GRIA2: variants seen among roughly 807,000 people sequenced by gnomAD.
GRIA2 encodes the protein glutamate ionotropic receptor AMPA type subunit 2, also known as glutamate receptor 2.
In GRIA2, 14 loss-of-function variants were observed where a neutral mutation model predicts 97.3. That is an observed-to-expected ratio of 0.14 (90% confidence interval 0.10 to 0.23). The LOEUF (loss-of-function observed/expected upper bound fraction) is 0.23, where lower values mean the gene tolerates loss of function less well. Ranked by LOEUF, GRIA2 falls within the 10% of genes least tolerant of loss-of-function variation. GRIA2 has a pLI of 1.00. For synonymous variants in GRIA2, 412 were observed against 387.8 expected, an observed-to-expected ratio of 1.06 and a Z score of -0.73; for missense variants, 558 against 1,069.8, an observed-to-expected ratio of 0.52 and a Z score of 6.67.
intron 12 of GRIA2, among the ~76,000 whole-genome samples, chr4:157,357,774 A>C (rs1336738757): frequency 1.3e-5 from 2 of 152,142 alleles, no homozygotes; most frequent in Non-Finnish European, 2.9e-5. Context: ...AGACGAAAGT[A>C]GCTAGGTCCA....
At chr4:157,235,026 C>T (rs1730182399) in intron 2 of GRIA2, among the ~76,000 whole-genome samples, 1 of 152,032 alleles carries the variant, frequency 6.6e-6, no homozygotes, top group Non-Finnish European at 1.5e-5. Context: ...ATTGCAGTAA[C>T]AGCAGCCATA....
chr4:157,344,812 G>A (rs1202618129), intron 12 of GRIA2, among the ~76,000 whole-genome samples: 1 of 151,944 alleles, frequency 6.6e-6, no homozygotes, highest in Non-Finnish European at 1.5e-5. Context: ...TGAGAAGTTA[G>A]GTCATTGTCT....
At chr4:157,358,861 G>C (rs1439841976) in intron 12 of GRIA2, among the ~76,000 whole-genome samples, 1 of 151,836 alleles carries the variant, frequency 6.6e-6, no homozygotes, top group Admixed American at 6.6e-5. Context: ...CTTTTTGTAA[G>C]GTAAAAGTTA....
Position 157,335,896 on chromosome 4 carries a change from A to C in GRIA2, c.1473+19A>C. The C allele has an allele frequency of 3.4e-6, 5 of 1,461,392 alleles. No individual in the cohort carries two copies. The highest frequency in any genetic ancestry group is 4.8e-6 in the Non-Finnish European group (5 of 1,046,684). 90.5% of individuals were successfully genotyped at this position (1,461,392 alleles called of 1,614,324 possible). On this transcript the variant is annotated intron_variant, in intron 10 of 15. Coordinates refer to ENST00000264426, the MANE Select transcript of GRIA2 (RefSeq NM_001083619.3). ...ATATGGGGTAAGTATAGCTCTTCTC[A>C]TAGATAAAGTCATTCAATTTGAATT...
chr4:157,321,717 G>T, intron 6 of GRIA2, 118 bp downstream of exon 6: 1 of 641,014 alleles, frequency 1.6e-6, no homozygotes, highest in Non-Finnish European at 2.7e-6. Flanking sequence ...TTCAAAATAT[G>T]GCAAACATAT....
At chr4:157,346,339 A>C (rs549547113) in intron 12 of GRIA2, among the ~76,000 whole-genome samples, 1 of 152,186 alleles carries the variant, frequency 6.6e-6, no homozygotes, top group Non-Finnish European at 1.5e-5. Context: ...TGATTTCTTT[A>C]TTGCCATGTT....
At chr4:157,344,529 T>A (rs1735690575) in intron 12 of GRIA2, among the ~76,000 whole-genome samples, 1 of 152,102 alleles carries the variant, frequency 6.6e-6, no homozygotes, top group African/African-American at 2.4e-5. Context: ...ATGCTTACTT[T>A]TGGAGCCAAG....
At position 157,364,615 on chromosome 4, in the gene GRIA2, AC is replaced by A. The variant is rs1333055169; in HGVS notation, c.*1185del. On this transcript the variant is annotated 3_prime_UTR_variant, in exon 16 of 16. Coordinates refer to ENST00000264426, the MANE Select transcript of GRIA2 (RefSeq NM_001083619.3). ...AAGTGTTTGAGCTTACAGAAGAGAA[AC>A]ATTCATTTTAAATGAAGTAAAAAAT... The A allele has an allele frequency of 3.3e-5, 5 of 152,334 alleles. No individual in the cohort carries two copies. The highest frequency in any genetic ancestry group is 1.2e-4 in the African/African-American group (5 of 41,530). 9.4% of individuals were successfully genotyped at this position (152,334 alleles called of 1,614,324 possible). A position where few individuals can be genotyped will look rare whatever the true frequency, so the allele number is the denominator to read the frequency against.
intron 2 of GRIA2, among the ~76,000 whole-genome samples, chr4:157,295,495 T>C (rs1733305809): frequency 6.6e-6 from 1 of 152,070 alleles, no homozygotes; most frequent in African/African-American, 2.4e-5. Flanking sequence ...TAGCTATATA[T>C]TGAGTGTCTG....
At chr4:157,279,090 C>A (rs1732478430) in intron 2 of GRIA2, among the ~76,000 whole-genome samples, 1 of 152,114 alleles carries the variant, frequency 6.6e-6, no homozygotes, top group Non-Finnish European at 1.5e-5. Flanking sequence ...TATGATCCAG[C>A]AATCATGCTC....
intron 1 of GRIA2, 91 bp from the exon 2 acceptor site, chr4:157,221,576 G>C: frequency 7.6e-7 from 1 of 1,318,188 alleles, no homozygotes; most frequent in South Asian, 1.3e-5. Context: ...GTGAATAAGA[G>C]ACTCTTGGAT....
chr4:157,292,281 G>C (rs557345916), intron 2 of GRIA2, among the ~76,000 whole-genome samples: 21 of 151,954 alleles, frequency 1.4e-4, no homozygotes, highest in Non-Finnish European at 2.5e-4. Context: ...AGATAAATGT[G>C]ACATTTAAAA....
rs960691912 is a variant in GRIA2, at chr4:157,364,219, C to G, written c.*788C>G. ...AACTTTAATGTATCCTATTCTTTAA[C>G]ATTTGGTGTTAATATAAAATTACTT... On this transcript the variant is annotated 3_prime_UTR_variant, in exon 16 of 16. Transcript: ENST00000264426. The G allele has an allele frequency of 2.0e-5, 3 of 152,358 alleles. No homozygotes were observed. Among genetic ancestry groups the G allele is most frequent in the Non-Finnish European group, 4.4e-5 (3 of 67,954 alleles). The allele number at this position is 152,358 out of a possible 1,614,324, so 9.4% of individuals were successfully genotyped here.
intron 4 of GRIA2, among the ~76,000 whole-genome samples, chr4:157,315,035 A>G (rs1418093006): frequency 2.0e-5 from 3 of 152,210 alleles, no homozygotes; most frequent in Non-Finnish European, 4.4e-5. Flanking sequence ...CTTTCTTAAA[A>G]GGGGAAGGAC....
rs1204811493 is a variant in GRIA2, at chr4:157,270,742, A to G, written c.230-32810A>G. On this transcript the variant is annotated intron_variant, in intron 2 of 15. Coordinates refer to ENST00000264426, the MANE Select transcript of GRIA2 (RefSeq NM_001083619.3). ...AAAGTATTACGGCAGTGCTGGGAAC[A>G]TTGGGCCCAGATTGGATGTCAGGAA... Among the ~76,000 whole-genome samples, 3 of 152,000 alleles carry G rather than the reference A, an allele frequency of 2.0e-5. 1 individual carries two copies. Among genetic ancestry groups the G allele is most frequent in the Non-Finnish European group, 4.4e-5 (3 of 67,984 alleles).
chr4:157,254,680 G>C (rs1216141517), intron 2 of GRIA2, among the ~76,000 whole-genome samples: 3 of 152,016 alleles, frequency 2.0e-5, no homozygotes. Context: ...GCAATGGACT[G>C]TCACCCGGAG....
Position 157,240,065 on chromosome 4 carries a change from CTTCATATGCTTTAAATACATT to C in GRIA2, c.229+18262_229+18282del, listed in dbSNP as rs547370484. 9.1e-4 allele frequency among the ~76,000 whole-genome samples: 139 copies of C among 152,092 alleles called. 3 individuals are homozygous for C. In the South Asian group the frequency reaches 0.028, roughly 31 times the overall value. On this transcript the variant is annotated intron_variant, in intron 2 of 15. Transcript: ENST00000264426. ...CATGTAATTATTTCTTGACTTATTT[CTTCATATGCTTTAAATACATT>C]TTCTTTATTACTTACAATAGATTAT...
In GRIA2 at chr4:157,335,835, C is replaced by A; in HGVS notation, c.1431C>A (p.Asp477Glu). ...GCAAGTATGGGGCCAGGGATGCAGA[C>A]ACGAAAATTTGGAATGGGATGGTTG... ...GDGKYGARDA[D>E]TKIWNGMVGE... The change falls in exon 10 of 16, where the codon GAC becomes GAA. Residue 477 changes from aspartate (D) to glutamate (E), a missense_variant. Asp to Glu is a conservative substitution (Grantham distance 45). Transcript: ENST00000264426. 1 of 1,612,128 alleles carries A rather than the reference C, an allele frequency of 6.2e-7. No homozygotes were observed.
chr4:157,303,878 G>A (rs978708836), intron 3 of GRIA2, 87 bp downstream of exon 3: 9 of 1,357,096 alleles, frequency 6.6e-6, no homozygotes, highest in Non-Finnish European at 8.3e-6. Flanking sequence ...AGCTACAAAG[G>A]TGTGATAAAG....
Sources: allele counts gnomAD v4.1 joint callset (sites outside exome capture counted in the v4.1 genomes callset), GRCh38; gene constraint gnomAD v4.1.1; transcripts MANE v1.5; gene names NCBI Gene and HGNC (gene_info 2026-07-23, HGNC 2026-07-21).